RARB: variants seen among roughly 807,000 people sequenced by gnomAD.
RARB encodes retinoic acid receptor beta, also known as HBV-activated protein.
RARB carries 17 observed loss-of-function variants against 51.9 expected under a neutral mutation model. The ratio of observed to expected loss-of-function variants is 0.33; its 90% confidence interval spans 0.22 to 0.49. RARB has a LOEUF of 0.49. Among genes scored for constraint, RARB ranks in the 20% least tolerant of loss-of-function variants. The pLI is 0.99. For missense variants in RARB, 369 were observed against 550.8 expected, an observed-to-expected ratio of 0.67 and a Z score of 3.30; for synonymous variants, 215 against 195.4, an observed-to-expected ratio of 1.10 and a Z score of -0.84.
chr3:25,405,798 A>G (rs1164442807), intron 5 of RARB, among the ~76,000 whole-genome samples: 1 of 152,232 alleles, frequency 6.6e-6, no homozygotes, highest in Non-Finnish European at 1.5e-5. Context: ...TGCTGCTCTG[A>G]AAGTTCAAAG....
At chr3:25,074,269 C>T (rs1426039774) in intron 3 of RARB, among the ~76,000 whole-genome samples, 1 of 152,226 alleles carries the variant, frequency 6.6e-6, no homozygotes, top group Non-Finnish European at 1.5e-5. Context: ...TACCAAGTCA[C>T]AGTATGACCT....
At chr3:24,986,458 T>G (rs971856901) in intron 2 of RARB, among the ~76,000 whole-genome samples, 1 of 152,102 alleles carries the variant, frequency 6.6e-6, no homozygotes, top group Non-Finnish European at 1.5e-5. Context: ...CTTGCTAGAG[T>G]TTTATTTTAT....
intron 5 of RARB, among the ~76,000 whole-genome samples, chr3:25,410,381 G>T (rs368603632): frequency 6.6e-6 from 1 of 152,262 alleles, no homozygotes; most frequent in South Asian, 2.1e-4. Flanking sequence ...ACATATTGCC[G>T]TGTCCTTTAG....
intron 3 of RARB, among the ~76,000 whole-genome samples, chr3:25,568,880 G>C (rs547341025): frequency 1.3e-5 from 2 of 152,342 alleles, no homozygotes; most frequent in South Asian, 4.1e-4. Context: ...TTCCTCGCGA[G>C]ATCCTAGCCA....
chr3:25,195,162 C>T (rs1280760003), intron 5 of RARB, among the ~76,000 whole-genome samples: 1 of 151,920 alleles, frequency 6.6e-6, no homozygotes, highest in Non-Finnish European at 1.5e-5. Context: ...AAACTATTGC[C>T]CATCCTCTCT....
At chr3:25,415,858 G>T (rs1461132020) in intron 5 of RARB, among the ~76,000 whole-genome samples, 1 of 152,160 alleles carries the variant, frequency 6.6e-6, no homozygotes, top group Non-Finnish European at 1.5e-5. Context: ...TCTAATTACT[G>T]GGATCATAGC....
At chr3:25,210,529 CTTTTTTTTTT>C (rs773846113) in intron 5 of RARB, among the ~76,000 whole-genome samples, 21 of 27,620 alleles carry the variant, frequency 7.6e-4, no homozygotes, top group African/African-American at 1.5e-3. Context: ...TTATCTGATT[CTTTTTTTTTT>C]TTTTTTTTTT....
rs74991646 is a variant in RARB at position 25,041,570 on chromosome 3, A to G, written c.-379-18555A>G. On this transcript the variant is annotated intron_variant, in intron 2 of 11. Transcript: ENST00000383772. ...AAAAAAAGTCTTGCCATGTCCTTCT[A>G]CAATACATGGATCAAAATTGATGAG... is the stretch of plus-strand genomic sequence containing the variant. Among the ~76,000 whole-genome samples, 561 of 151,348 alleles carry G rather than the reference A, an allele frequency of 3.7e-3. 16 individuals are homozygous for G. In the East Asian group the frequency reaches 0.079, roughly 21 times the overall value.
intron 5 of RARB, among the ~76,000 whole-genome samples, chr3:25,318,699 T>C (rs903334948): frequency 6.6e-6 from 1 of 152,212 alleles, no homozygotes; most frequent in Non-Finnish European, 1.5e-5. Context: ...TTTGGTCTTC[T>C]TGAAAGAATG....
intron 2 of RARB, among the ~76,000 whole-genome samples, chr3:25,472,257 C>T (rs1219678539): frequency 6.6e-6 from 1 of 152,190 alleles, no homozygotes; most frequent in Non-Finnish European, 1.5e-5. Context: ...GCTTGTCATC[C>T]TCTTAGGTTC....
At chr3:24,980,621 A>G (rs1212643982) in intron 2 of RARB, among the ~76,000 whole-genome samples, 2 of 152,098 alleles carry the variant, frequency 1.3e-5, no homozygotes, top group Non-Finnish European at 2.9e-5. Flanking sequence ...CCATCAGGTC[A>G]TTTAAGCTCT....
intron 5 of RARB, among the ~76,000 whole-genome samples, chr3:25,351,946 A>T (rs1705584494): frequency 6.6e-6 from 1 of 152,208 alleles, no homozygotes; most frequent in African/African-American, 2.4e-5. Flanking sequence ...GAGCCATTTT[A>T]GATCCTAGGC....
chr3:25,331,322 T>G (rs562067531), intron 5 of RARB, among the ~76,000 whole-genome samples: 5 of 152,300 alleles, frequency 3.3e-5, no homozygotes, highest in African/African-American at 1.2e-4. Context: ...TATAACAGAC[T>G]GTCTCTCAGA....
intron 2 of RARB, among the ~76,000 whole-genome samples, chr3:24,868,328 AACTT>A (rs1297749587): frequency 1.3e-5 from 2 of 152,170 alleles, no homozygotes; most frequent in Non-Finnish European, 2.9e-5. Context: ...AATGATGCCA[AACTT>A]ACTTAGTATT....
At chr3:25,503,566 C>T (rs1697418171) in intron 3 of RARB, among the ~76,000 whole-genome samples, 2 of 152,072 alleles carry the variant, frequency 1.3e-5, no homozygotes, top group Non-Finnish European at 2.9e-5. Context: ...CATCAGCCCT[C>T]AAGGAGCTTA....
In RARB at chr3:25,498,138, C is replaced by T. The variant is rs185489069; in HGVS notation, c.307-3044C>T. On this transcript the variant is annotated intron_variant, in intron 2 of 7. Transcript: ENST00000330688. ...GTACCTTCTAATATTGACAGTTGGT[C>T]TGGTTTTCCAAGTAAGCCAGAGATA... Among the ~76,000 whole-genome samples the T allele has an allele frequency of 9.3e-4, 141 of 152,252 alleles. 1 individual carries two copies. The highest frequency in any genetic ancestry group is 3.2e-3 in the African/African-American group (135 of 41,548).
chr3:25,272,972 A>C (rs145264318), intron 5 of RARB, among the ~76,000 whole-genome samples: 1 of 152,192 alleles, frequency 6.6e-6, no homozygotes, highest in Admixed American at 6.5e-5. Context: ...ACAACTGTTC[A>C]TGTCAAACTG....
chr3:24,961,371 G>A (rs541667331), intron 2 of RARB, among the ~76,000 whole-genome samples: 4 of 152,258 alleles, frequency 2.6e-5, no homozygotes, highest in African/African-American at 9.6e-5. Flanking sequence ...CATTTTCACT[G>A]AAATCTCCCT....
rs75060076 is a variant in RARB, at chr3:25,194,398, C to T, written c.178+19823C>T. Among the ~76,000 whole-genome samples, 987 of 151,356 alleles carry T rather than the reference C, an allele frequency of 6.5e-3. 11 individuals are homozygous for T. The highest frequency in any genetic ancestry group is 0.023 in the African/African-American group (945 of 41,326). ...GGTGCTTTTACCATATGCACATACA[C>T]AAAAAGGTATCTATGGAAGGTGATG... On this transcript the variant is annotated intron_variant, in intron 5 of 11. Coordinates refer to the RARB transcript ENST00000383772.
Sources: allele counts gnomAD v4.1 joint callset (sites outside exome capture counted in the v4.1 genomes callset), GRCh38; gene constraint gnomAD v4.1.1; transcripts MANE v1.5; gene names NCBI Gene and HGNC (gene_info 2026-07-23, HGNC 2026-07-21).